Variants in RNF187 observed in about 807,000 individuals in gnomAD.
The protein encoded by RNF187 is E3 ubiquitin-protein ligase RNF187.
A neutral mutation model predicts 22.2 loss-of-function variants in RNF187; 18 were observed. The observed-to-expected ratio is 0.81, with a 90% CI of 0.56 to 1.20. The LOEUF (loss-of-function observed/expected upper bound fraction) is 1.20. Ranked by LOEUF, RNF187 falls within the 50% of genes most tolerant of loss-of-function variation. The probability of loss-of-function intolerance (pLI) is 0.00; values close to 1 mark genes in which losing one functional copy is unlikely to be tolerated. For synonymous variants in RNF187, 164 were observed against 140.9 expected, an observed-to-expected ratio of 1.16 and a Z score of -1.16; for missense variants, 329 against 317.6, an observed-to-expected ratio of 1.04 and a Z score of -0.27.
chr1:228,489,789 C>T, intron 2 of RNF187, among the ~76,000 whole-genome samples: 4 of 152,106 alleles, frequency 2.6e-5, no homozygotes, highest in African/African-American at 9.7e-5. Flanking sequence ...TGTGTAAGGA[C>T]ACTGATTCCG....
chr1:228,494,395 T>A lies in RNF187; in HGVS notation c.*510T>A. 1 of 1,012,108 alleles carries A rather than the reference T, an allele frequency of 9.9e-7. No individual in the cohort carries two copies. Among genetic ancestry groups the A allele is most frequent in the Admixed American group, 5.2e-5 (1 of 19,294 alleles). The allele number at this position is 1,012,108 out of a possible 1,614,324, so 62.7% of individuals were successfully genotyped here. A position where few individuals can be genotyped will look rare whatever the true frequency, so the allele number is the denominator to read the frequency against. ...AGAGAAAGGAAGACTGGATTGCACC[T>A]TGATGCCTCCTGAGGAGGCGGCCCC... On this transcript the variant is annotated 3_prime_UTR_variant, in exon 4 of 4. Coordinates refer to ENST00000305943, the MANE Select transcript of RNF187 (RefSeq NM_001010858.3).
chr1:228,489,111 A>G lies in RNF187; in HGVS notation c.483+59A>G. 4 of 1,427,148 alleles carry G rather than the reference A, an allele frequency of 2.8e-6. No homozygotes were observed. The Admixed American group carries it at 7.9e-5, about 28-fold the overall frequency. The allele number at this position is 1,427,148 out of a possible 1,614,324, so 88.4% of individuals were successfully genotyped here. On this transcript the variant is annotated intron_variant, in intron 2 of 3. Coordinates refer to ENST00000305943, the MANE Select transcript of RNF187 (RefSeq NM_001010858.3). ...GGGGACTGTGGGCTCAGGGCTCTAG[A>G]CAAAGGGACCACCAGGCCAAGTGGG...
In RNF187 at chr1:228,487,702, C is replaced by T. The variant is rs1310908964; in HGVS notation, c.214C>T (p.Leu72Phe). ...CGGCAGGCCCCCGCTCAGCCGCCGC[C>T]TTCTGGCGCTCGAGGAGGCGGCCGC... Residue 72 changes from leucine (L) to phenylalanine (F), a missense_variant, in exon 1 of 4, where the codon CTT (leucine) becomes TTT (phenylalanine). By Grantham distance (22) the Leu-to-Phe change is conservative (BLOSUM62 0). Coordinates refer to ENST00000305943, the MANE Select transcript of RNF187 (RefSeq NM_001010858.3). 9.4e-7 allele frequency: 1 copy of T among 1,058,910 alleles called. No homozygotes were observed. The highest frequency in any genetic ancestry group is 1.1e-6 in the Non-Finnish European group (1 of 879,014). The allele number at this position is 1,058,910 out of a possible 1,614,324, so 65.6% of individuals were successfully genotyped here.
chr1:228,493,531 A>T lies in RNF187; in HGVS notation c.705+257A>T. Among the ~76,000 whole-genome samples, 1 of 152,238 alleles carries T rather than the reference A, an allele frequency of 6.6e-6. No individual in the cohort carries two copies. On this transcript the variant is annotated intron_variant, in intron 3 of 3. Coordinates refer to ENST00000305943, the MANE Select transcript of RNF187 (RefSeq NM_001010858.3). This position sits in a 1 kb window ranked among gnomAD's most constrained non-coding sequence, Gnocchi z 4.7. Reference sequence around the variant, plus strand: ...CACTTGGCATCCCGAGTGCCCGAGCATGGAAGGCTCCTGCCTCGCCCTGGG... The same window carrying T: ...CACTTGGCATCCCGAGTGCCCGAGCTTGGAAGGCTCCTGCCTCGCCCTGGG...
chr1:228,495,806 T>G lies in RNF187; in HGVS notation c.*1921T>G. Reference sequence around the variant, plus strand: ...CTATGTACATTGTGGAGTGACAGATTAATGTATCCATCTCATGTTTTTTTT... The same window carrying G: ...CTATGTACATTGTGGAGTGACAGATGAATGTATCCATCTCATGTTTTTTTT... On this transcript the variant is annotated 3_prime_UTR_variant, in exon 4 of 4. Coordinates refer to ENST00000305943, the MANE Select transcript of RNF187 (RefSeq NM_001010858.3). 2.2e-6 allele frequency: 2 copies of G among 918,466 alleles called. No individual in the cohort carries two copies. The highest frequency in any genetic ancestry group is 1.3e-6 in the Non-Finnish European group (1 of 769,154). The allele number at this position is 918,466 out of a possible 1,614,324, so 56.9% of individuals were successfully genotyped here. A position where few individuals can be genotyped will look rare whatever the true frequency, so the allele number is the denominator to read the frequency against.
Position 228,495,720 on chromosome 1 carries a change from A to G in RNF187, c.*1835A>G. ...CCAGCAACATCCCACCCTGTCAATC[A>G]CAACCTCTTTCTATTTAAGAAAATT... is the stretch of plus-strand genomic sequence containing the variant. On this transcript the variant is annotated 3_prime_UTR_variant, in exon 4 of 4. Transcript: ENST00000305943. 1.0e-6 allele frequency: 1 copy of G among 985,582 alleles called. No individual in the cohort carries two copies. Among genetic ancestry groups the G allele is most frequent in the African/African-American group, 1.7e-5 (1 of 57,354 alleles). The allele number at this position is 985,582 out of a possible 1,614,324, so 61.1% of individuals were successfully genotyped here.
At chr1:228,490,797 A>C in intron 2 of RNF187, among the ~76,000 whole-genome samples, 1 of 152,208 alleles carries the variant, frequency 6.6e-6, no homozygotes, top group Admixed American at 6.5e-5. Context: ...AAGAGTGGCA[A>C]GTGTGAATGC....
chr1:228,488,805 G>C, intron 1 of RNF187, among the ~76,000 whole-genome samples, 155 bp from the exon 2 acceptor site: 3 of 152,252 alleles, frequency 2.0e-5, no homozygotes, highest in Non-Finnish European at 2.9e-5. Context: ...CCTTTTGACT[G>C]CCTGTGCGTT....
chr1:228,493,980 G>T lies in RNF187; in HGVS notation c.*95G>T. 6.4e-7 allele frequency: 1 copy of T among 1,551,464 alleles called. No individual in the cohort carries two copies. Among genetic ancestry groups the T allele is most frequent in the Non-Finnish European group, 8.7e-7 (1 of 1,146,926 alleles). On this transcript the variant is annotated 3_prime_UTR_variant, in exon 4 of 4. Coordinates refer to ENST00000305943, the MANE Select transcript of RNF187 (RefSeq NM_001010858.3). The surrounding 1 kb of genome is among the most constrained non-coding windows in gnomAD (Gnocchi z 4.7). ...AGCGTGTGGCTGCCAGGGAAGCGTG[G>T]CAGGCGCCTGGCCTTGGGTCCATCT...
intron 2 of RNF187, among the ~76,000 whole-genome samples, chr1:228,492,336 C>A: frequency 6.6e-6 from 1 of 152,020 alleles, no homozygotes. Flanking sequence ...AGGCATGAGG[C>A]ACCGTGCCAG....
chr1:228,494,764 T>G lies in RNF187; in HGVS notation c.*879T>G. 1 of 984,678 alleles carries G rather than the reference T, an allele frequency of 1.0e-6. No homozygotes were observed. The highest frequency in any genetic ancestry group is 1.8e-5 in the African/African-American group (1 of 56,962). The allele number at this position is 984,678 out of a possible 1,614,324, so 61.0% of individuals were successfully genotyped here. On this transcript the variant is annotated 3_prime_UTR_variant, in exon 4 of 4. Coordinates refer to ENST00000305943, the MANE Select transcript of RNF187 (RefSeq NM_001010858.3). ...TGTAGATAAATTAGTCGACAGAAAC[T>G]CAGCACTGGGGACAGGATTGCAAAG... is the stretch of plus-strand genomic sequence containing the variant.
chr1:228,488,946 T>C lies in RNF187; in HGVS notation c.391-14T>C. 7.1e-3 allele frequency: 11,029 copies of C among 1,545,414 alleles called. 59 individuals are homozygous for C. The highest frequency in any genetic ancestry group is 0.011 in the Middle Eastern group (66 of 5,982). ...AGCTTCTGCCCACCCCTGGTGACCT[T>C]CTTTTCTTTACAGGAGAACAAGGGG... is the stretch of plus-strand genomic sequence containing the variant. On this transcript the variant is annotated splice_polypyrimidine_tract_variant and intron_variant, in intron 1 of 3. Transcript: ENST00000305943.
chr1:228,495,681 C>T lies in RNF187; in HGVS notation c.*1796C>T. The T allele has an allele frequency of 2.4e-5, 24 of 985,496 alleles. No individual in the cohort carries two copies. Among genetic ancestry groups the T allele is most frequent in the Non-Finnish European group, 2.7e-5 (22 of 829,948 alleles). The allele number at this position is 985,496 out of a possible 1,614,324, so 61.0% of individuals were successfully genotyped here. On this transcript the variant is annotated 3_prime_UTR_variant, in exon 4 of 4. Transcript: ENST00000305943. ...TCCGACAGTGGCTTCACCATCCTCA[C>T]CTAACCTAGCTGACCAGCAACATCC...
intron 2 of RNF187, among the ~76,000 whole-genome samples, chr1:228,492,748 T>A: frequency 3.4e-5 from 5 of 145,854 alleles, no homozygotes; most frequent in African/African-American, 1.3e-4. Context: ...TGCCTCAGCC[T>A]CCCGATTAGC....
Position 228,494,261 on chromosome 1 carries a change from TC to T in RNF187, c.*378del. ...TGCACCTTCCATGTGGGCCCACAGA[TC>T]CTTGGCAGGTACCTGAGGTGCACCA... On this transcript the variant is annotated 3_prime_UTR_variant, in exon 4 of 4. Transcript: ENST00000305943. The T allele has an allele frequency of 6.6e-6, 8 of 1,214,280 alleles. No individual in the cohort carries two copies. Among genetic ancestry groups the T allele is most frequent in the African/African-American group, 6.1e-5 (4 of 65,344 alleles). 75.2% of individuals were successfully genotyped at this position (1,214,280 alleles called of 1,614,324 possible). A position where few individuals can be genotyped will look rare whatever the true frequency, so the allele number is the denominator to read the frequency against.
In RNF187 at chr1:228,487,762, G is replaced by T; in HGVS notation, c.274G>T (p.Ala92Ser). The T allele has an allele frequency of 9.5e-7, 1 of 1,051,736 alleles. No individual in the cohort carries two copies. Among genetic ancestry groups the T allele is most frequent in the Non-Finnish European group, 1.1e-6 (1 of 874,396 alleles). The allele number at this position is 1,051,736 out of a possible 1,614,324, so 65.2% of individuals were successfully genotyped here. ...GCGCGACGGCCCGGCCAGCGAGGCCGCGCTGCAGCTGCTGTGCCGCGCCGA... is the reference window on the plus strand; with the variant it reads ...GCGCGACGGCCCGGCCAGCGAGGCCTCGCTGCAGCTGCTGTGCCGCGCCGA... Residue 92 changes from alanine to serine, a missense_variant, in exon 1 of 4, where the codon GCG becomes TCG. By Grantham distance (99) the Ala-to-Ser change is moderately conservative. Transcript: ENST00000305943.
In RNF187 at chr1:228,494,979, C is replaced by G; in HGVS notation, c.*1094C>G. ...AAGTGGGTTTGTGTCAGCTCGTTTGCTTCGTCTCCGTGTGTCCACCTGGCC... is the reference window on the plus strand; with the variant it reads ...AAGTGGGTTTGTGTCAGCTCGTTTGGTTCGTCTCCGTGTGTCCACCTGGCC... On this transcript the variant is annotated 3_prime_UTR_variant, in exon 4 of 4. Coordinates refer to ENST00000305943, the MANE Select transcript of RNF187 (RefSeq NM_001010858.3). 1 of 985,478 alleles carries G rather than the reference C, an allele frequency of 1.0e-6. No homozygotes were observed. Among genetic ancestry groups the G allele is most frequent in the African/African-American group, 1.7e-5 (1 of 57,232 alleles). 61.0% of individuals were successfully genotyped at this position (985,478 alleles called of 1,614,324 possible).
chr1:228,491,804 A>G, intron 2 of RNF187, among the ~76,000 whole-genome samples: 1 of 152,100 alleles, frequency 6.6e-6, no homozygotes, highest in Non-Finnish European at 1.5e-5. Context: ...TGAAGACTCA[A>G]AGTGGCAAAA....
chr1:228,495,174 G>T lies in RNF187; in HGVS notation c.*1289G>T. 2.8e-6 allele frequency: 1 copy of T among 363,350 alleles called. No homozygotes were observed. The highest frequency in any genetic ancestry group is 3.8e-6 in the Non-Finnish European group (1 of 261,152). The allele number at this position is 363,350 out of a possible 1,614,324, so 22.5% of individuals were successfully genotyped here. ...ACCCCGACGTAGCAGGGCAGGGGTT[G>T]GAGGAGCGAGGAGCAGTATAGGGTC... is the stretch of plus-strand genomic sequence containing the variant. On this transcript the variant is annotated 3_prime_UTR_variant, in exon 4 of 4. Coordinates refer to ENST00000305943, the MANE Select transcript of RNF187 (RefSeq NM_001010858.3).
Sources: gnomAD v4.1 joint callset for allele counts (sites outside exome capture counted in the v4.1 genomes callset) on GRCh38, gnomAD v4.1.1 for gene constraint, Gnocchi (gnomAD v3.1) non-coding constraint, MANE v1.5 for transcripts, NCBI Gene and HGNC (gene_info 2026-07-23, HGNC 2026-07-21) for gene names.